Variants in SPESP1 observed in about 807,000 individuals in gnomAD.
SPESP1 encodes the protein sperm equatorial segment protein 1, also known as equatorial segment protein.
In SPESP1, 1 loss-of-function variant was observed where a neutral mutation model predicts 3.1. That is an observed-to-expected ratio of 0.33 (90% confidence interval 0.12 to 1.54). The LOEUF (loss-of-function observed/expected upper bound fraction) is 1.54, where lower values mean the gene tolerates loss of function less well. Ranked by LOEUF, SPESP1 falls within the 40% of genes most tolerant of loss-of-function variation. The pLI is 0.38. For missense variants in SPESP1, 398 were observed against 410.1 expected (o/e 0.97, Z 0.26); for synonymous variants, 138 against 150.7 (o/e 0.92, Z 0.62).
At chr15:68,940,534 T>A (rs1057458187) in intron 1 of SPESP1, among the ~76,000 whole-genome samples, 1 of 152,202 alleles carries the variant, frequency 6.6e-6, no homozygotes, top group East Asian at 1.9e-4. Context: ...CTTATTGATA[T>A]ACCTGTTAAT....
At chr15:68,931,703 T>A (rs888280940) in intron 1 of SPESP1, among the ~76,000 whole-genome samples, 1 of 152,098 alleles carries the variant, frequency 6.6e-6, no homozygotes, top group Non-Finnish European at 1.5e-5. Context: ...ACCAATAAGG[T>A]CAAATTCAGG....
intron 1 of SPESP1, among the ~76,000 whole-genome samples, chr15:68,938,161 A>G (rs181252304): frequency 6.6e-6 from 1 of 152,076 alleles, no homozygotes; most frequent in Non-Finnish European, 1.5e-5. Context: ...TTGTATTTTT[A>G]GTAGAGATGA....
At chr15:68,942,976 A>G (rs1895865615) in intron 1 of SPESP1, among the ~76,000 whole-genome samples, 1 of 152,144 alleles carries the variant, frequency 6.6e-6, no homozygotes, top group African/African-American at 2.4e-5. Flanking sequence ...TGTGATTTTT[A>G]TACAATTTTG....
In SPESP1 at chr15:68,946,531, A is replaced by G. The variant is rs1301026224; in HGVS notation, c.997A>G (p.Thr333Ala). ...AGAAAAAGCTGCTACAGTATTCAATACATTAAAAAATATGTGTAGATCAAG... is the reference window on the plus strand; with the variant it reads ...AGAAAAAGCTGCTACAGTATTCAATGCATTAAAAAATATGTGTAGATCAAG... The part of the protein sequence containing the change: ...MREKAATVFN[T>A]LKNMCRSRRV... Residue 333 changes from threonine to alanine, a missense_variant, in exon 2 of 2, where the codon ACA becomes GCA. Transcript: ENST00000310673. 6.3e-7 allele frequency: 1 copy of G among 1,586,572 alleles called. No individual in the cohort carries two copies. The highest frequency in any genetic ancestry group is 8.5e-7 in the Non-Finnish European group (1 of 1,172,250).
chr15:68,946,215 GA>G lies in SPESP1; in HGVS notation c.688del (p.Ile230PhefsTer2). ...AGAGTTGGAATAATGATGACATTTTGAAAAAAATTTTAGATATTAATTCACA... is the reference window on the plus strand; with the variant it reads ...AGAGTTGGAATAATGATGACATTTTGAAAAAATTTTAGATATTAATTCACA... ...PESWNNDDIL[K>X]KILDINSQVQ... On this transcript the variant is annotated frameshift_variant, in exon 2 of 2. Coordinates refer to ENST00000310673, the MANE Select transcript of SPESP1 (RefSeq NM_145658.4). LOFTEE classifies it low-confidence loss of function (END_TRUNC). 2 of 1,613,894 alleles carry G rather than the reference GA, an allele frequency of 1.2e-6. No homozygotes were observed. Among genetic ancestry groups the G allele is most frequent in the Non-Finnish European group, 1.7e-6 (2 of 1,179,976 alleles).
At chr15:68,944,219 C>A (rs1895900922) in intron 1 of SPESP1, among the ~76,000 whole-genome samples, 1 of 151,716 alleles carries the variant, frequency 6.6e-6, no homozygotes, top group African/African-American at 2.4e-5. Flanking sequence ...TCCAGAATAT[C>A]TTAATATCTT....
chr15:68,930,692 G>GT lies in SPESP1; in HGVS notation c.39_40insT (p.Pro14SerfsTer15). On this transcript the variant is annotated frameshift_variant, in exon 1 of 2. Coordinates refer to ENST00000310673, the MANE Select transcript of SPESP1 (RefSeq NM_145658.4). LOFTEE classifies it low-confidence loss of function (END_TRUNC). ...TCCTTCTAGTTGCGCTTTTGCTATG[G>GT]CCTTCGTCTGTGCCGGCTTATCCGA... is the stretch of plus-strand genomic sequence containing the variant. 6.2e-7 allele frequency: 1 copy of GT among 1,614,048 alleles called. No individual in the cohort carries two copies. Among genetic ancestry groups the GT allele is most frequent in the Non-Finnish European group, 8.5e-7 (1 of 1,179,926 alleles).
chr15:68,935,190 A>G (rs941488367), intron 1 of SPESP1, among the ~76,000 whole-genome samples: 1 of 152,250 alleles, frequency 6.6e-6, no homozygotes, highest in Non-Finnish European at 1.5e-5. Flanking sequence ...AACATTACTC[A>G]TAGGATGCAT....
intron 1 of SPESP1, among the ~76,000 whole-genome samples, chr15:68,944,355 A>T (rs1239159841): frequency 1.0e-4 from 15 of 146,936 alleles, no homozygotes; most frequent in Non-Finnish European, 3.0e-5. Context: ...ATTTTAGGAG[A>T]CCCCTCAAAA....
At position 68,930,647 on chromosome 15, in the gene SPESP1, G is replaced by A; in HGVS notation, c.-7G>A. The A allele has an allele frequency of 6.2e-7, 1 of 1,613,826 alleles. No individual in the cohort carries two copies. The highest frequency in any genetic ancestry group is 8.5e-7 in the Non-Finnish European group (1 of 1,179,802). On this transcript the variant is annotated 5_prime_UTR_variant, in exon 1 of 2. Coordinates refer to ENST00000310673, the MANE Select transcript of SPESP1 (RefSeq NM_145658.4). ...GGTCGCATGGCAGAGTGCTACGGAC[G>A]ACGCCTATGAAGCCCTTAGTCCTTC...
intron 1 of SPESP1, among the ~76,000 whole-genome samples, chr15:68,936,488 T>C (rs1895685115): frequency 6.6e-6 from 1 of 152,200 alleles, no homozygotes; most frequent in South Asian, 2.1e-4. Context: ...TGAGTCCATT[T>C]ATATGAAATG....
chr15:68,940,293 C>T (rs1237021588), intron 1 of SPESP1, among the ~76,000 whole-genome samples: 1 of 152,142 alleles, frequency 6.6e-6, no homozygotes, highest in Non-Finnish European at 1.5e-5. Flanking sequence ...TCCCCAATTT[C>T]TCGGGCTTGG....
chr15:68,936,464 G>T lies in SPESP1; in HGVS notation c.64+5747G>T, dbSNP rs1437467796. On this transcript the variant is annotated intron_variant, in intron 1 of 1. Transcript: ENST00000310673. ...TAAGTATAAGAAGCCACTCACAAAA[G>T]GACACATATCGTATGAGTCCATTTA... is the stretch of plus-strand genomic sequence containing the variant. 2.6e-5 allele frequency among the ~76,000 whole-genome samples: 4 copies of T among 152,176 alleles called. 1 individual carries two copies. Among genetic ancestry groups the T allele is most frequent in the Admixed American group, 2.6e-4 (4 of 15,270 alleles).
At chr15:68,935,994 TATTA>T (rs1303778006) in intron 1 of SPESP1, among the ~76,000 whole-genome samples, 1 of 152,204 alleles carries the variant, frequency 6.6e-6, no homozygotes, top group Non-Finnish European at 1.5e-5. Flanking sequence ...AGCTTTCAGT[TATTA>T]ATTCTTACTT....
intron 1 of SPESP1, among the ~76,000 whole-genome samples, chr15:68,943,255 C>A (rs1895875458): frequency 6.6e-6 from 1 of 152,048 alleles, no homozygotes; most frequent in Admixed American, 6.6e-5. Flanking sequence ...AGTTCACAGA[C>A]AAAATATATG....
At chr15:68,934,060 A>G (rs1210039366) in intron 1 of SPESP1, among the ~76,000 whole-genome samples, 1 of 152,042 alleles carries the variant, frequency 6.6e-6, no homozygotes, top group African/African-American at 2.4e-5. Context: ...TAATTTTTAA[A>G]TGATTCAAAC....
At chr15:68,937,399 A>G (rs928136203) in intron 1 of SPESP1, among the ~76,000 whole-genome samples, 1 of 152,236 alleles carries the variant, frequency 6.6e-6, no homozygotes, top group African/African-American at 2.4e-5. Context: ...AGAACTGTCT[A>G]AATTCTATAA....
At position 68,946,400 on chromosome 15, in the gene SPESP1, C is replaced by G; in HGVS notation, c.866C>G (p.Thr289Arg). 1 of 1,613,974 alleles carries G rather than the reference C, an allele frequency of 6.2e-7. No individual in the cohort carries two copies. Among genetic ancestry groups the G allele is most frequent in the East Asian group, 2.2e-5 (1 of 44,862 alleles). Residue 289 changes from threonine to arginine, a missense_variant, in exon 2 of 2, where the codon ACA (threonine) becomes AGA (arginine). Physicochemically the swap from Thr to Arg is moderately conservative, Grantham distance 71. Transcript: ENST00000310673. ...TCCCAGTTATTGCCAGTAGGACGAA[C>G]AAGTAATAAAATTGATGACATCGAA... The part of the protein sequence containing the change: ...YKSQLLPVGR[T>R]SNKIDDIETV...
At chr15:68,932,387 TC>T (rs1313341444) in intron 1 of SPESP1, among the ~76,000 whole-genome samples, 43 of 136,686 alleles carry the variant, frequency 3.1e-4, no homozygotes, top group Admixed American at 5.1e-4. Flanking sequence ...CCTTCCCTTT[TC>T]CCCCCCTTTT....
Sources: allele counts gnomAD v4.1 joint callset (sites outside exome capture counted in the v4.1 genomes callset), GRCh38; gene constraint gnomAD v4.1.1; transcripts MANE v1.5; gene names NCBI Gene and HGNC (gene_info 2026-07-23, HGNC 2026-07-21).